Variants in ZBTB20 observed in about 807,000 individuals in gnomAD.
ZBTB20 encodes zinc finger and BTB domain containing 20.
A neutral mutation model predicts 56.9 loss-of-function variants in ZBTB20; 9 were observed. The observed-to-expected ratio is 0.16, with a 90% confidence interval of 0.10 to 0.28. The LOEUF is 0.28. ZBTB20 is among the 10% of genes least tolerant of loss of function. The probability of loss-of-function intolerance (pLI) is 1.00; values close to 1 mark genes in which losing one functional copy is unlikely to be tolerated. For synonymous variants in ZBTB20, 417 were observed against 420.7 expected, an observed-to-expected ratio of 0.99 and a Z score of 0.11; for missense variants, 655 against 1,003.0, an observed-to-expected ratio of 0.65 and a Z score of 4.69.
At chr3:115,071,923 G>A (rs1179957101) in intron 1 of ZBTB20, among the ~76,000 whole-genome samples, 5 of 152,142 alleles carry the variant, frequency 3.3e-5, no homozygotes, top group African/African-American at 1.2e-4. Flanking sequence ...CTTGCAGCTG[G>A]TCATGCATGC....
At chr3:114,743,663 T>C (rs2066795414) in intron 5 of ZBTB20, 1 of 154,264 alleles carries the variant, frequency 6.5e-6, no homozygotes, top group South Asian at 2.0e-4. Flanking sequence ...GTCCCTACCC[T>C]AGACTCTGAA....
At chr3:114,749,898 T>C (rs2067431366) in intron 5 of ZBTB20, among the ~76,000 whole-genome samples, 1 of 152,186 alleles carries the variant, frequency 6.6e-6, no homozygotes, top group African/African-American at 2.4e-5. Context: ...GGTCACTCAA[T>C]ACATGGCAGC....
rs1342684191 is a variant in ZBTB20, at chr3:114,610,602, G to A, written c.-295+82926C>T. The stretch of plus-strand genomic sequence containing the variant: ...CTGGTTAGGAAGGCAGGAGAGGTTG[G>A]CATTTAAGAGGTATTTTCCACATTA... On this transcript the variant is annotated intron_variant, in intron 6 of 11. Transcript: ENST00000675478. Among the ~76,000 whole-genome samples, 4 of 152,164 alleles carry A rather than the reference G, an allele frequency of 2.6e-5. No individual in the cohort carries two copies. In the East Asian group the frequency reaches 7.7e-4, roughly 29 times the overall value.
At chr3:114,629,195 T>C (rs780733363) in intron 6 of ZBTB20, among the ~76,000 whole-genome samples, 1 of 152,206 alleles carries the variant, frequency 6.6e-6, no homozygotes, top group African/African-American at 2.4e-5. Context: ...GCCAGTTCCT[T>C]AACCTTGCCA....
intron 3 of ZBTB20, among the ~76,000 whole-genome samples, chr3:114,926,994 C>T (rs1214966923): frequency 1.3e-5 from 2 of 152,138 alleles, no homozygotes; most frequent in Non-Finnish European, 2.9e-5. Context: ...ATCCTCCCTG[C>T]TTGGCCTCCC....
rs80011826 is a variant in ZBTB20, at chr3:114,850,375, T to C, written c.-416-49201A>G. On this transcript the variant is annotated intron_variant, in intron 4 of 11. Coordinates refer to ENST00000675478, the MANE Select transcript of ZBTB20 (RefSeq NM_001348800.3). Reference sequence around the variant, plus strand: ...AGTAGATGGTGTGTTCATAGCGAGATAGGTGGTGTGTTCATCTCTGTGCTG... The same window carrying C: ...AGTAGATGGTGTGTTCATAGCGAGACAGGTGGTGTGTTCATCTCTGTGCTG... Among the ~76,000 whole-genome samples, 289 of 152,278 alleles carry C rather than the reference T, an allele frequency of 1.9e-3. 4 individuals carry two copies. Among genetic ancestry groups the C allele is most frequent in the Admixed American group, 0.014 (208 of 15,296 alleles).
intron 8 of ZBTB20, among the ~76,000 whole-genome samples, chr3:114,385,199 G>A (rs907082197): frequency 6.6e-6 from 1 of 152,056 alleles, no homozygotes; most frequent in Non-Finnish European, 1.5e-5. Flanking sequence ...GACCAGTGAT[G>A]CCTCCCCCAA....
At chr3:114,426,817 T>A (rs566838241) in intron 7 of ZBTB20, among the ~76,000 whole-genome samples, 3 of 152,264 alleles carry the variant, frequency 2.0e-5, no homozygotes, top group East Asian at 3.9e-4. Context: ...CAGAAAAAAA[T>A]TATATTTTTA....
At chr3:114,624,922 T>G (rs2058565805) in intron 6 of ZBTB20, 1 of 152,628 alleles carries the variant, frequency 6.6e-6, no homozygotes. Flanking sequence ...CAGCTCATGC[T>G]GGACTGTACC....
chr3:114,938,809 C>T (rs2076634851), intron 3 of ZBTB20, among the ~76,000 whole-genome samples: 1 of 145,130 alleles, frequency 6.9e-6, no homozygotes, highest in Non-Finnish European at 1.5e-5. Context: ...TATCCCAGAA[C>T]TTAAAAGTAT....
At chr3:114,512,940 A>G (rs901019692) in intron 6 of ZBTB20, among the ~76,000 whole-genome samples, 1 of 152,150 alleles carries the variant, frequency 6.6e-6, no homozygotes, top group Non-Finnish European at 1.5e-5. Context: ...AGTAATCTCA[A>G]TCTCAGAGAA....
chr3:115,103,308 T>C (rs889296045), intron 1 of ZBTB20, among the ~76,000 whole-genome samples: 17 of 152,152 alleles, frequency 1.1e-4, no homozygotes, highest in African/African-American at 3.4e-4. Context: ...TCAATCCCAA[T>C]CAAAATCCCA....
At chr3:114,441,019 G>A (rs2090886136) in intron 7 of ZBTB20, among the ~76,000 whole-genome samples, 1 of 152,000 alleles carries the variant, frequency 6.6e-6, no homozygotes, top group Non-Finnish European at 1.5e-5. Flanking sequence ...CTGTTTTTTG[G>A]CCAGTGAAAA....
At chr3:114,934,165 A>G (rs2076452902) in intron 3 of ZBTB20, among the ~76,000 whole-genome samples, 1 of 152,084 alleles carries the variant, frequency 6.6e-6, no homozygotes, top group Non-Finnish European at 1.5e-5. Flanking sequence ...GAAACCCTAC[A>G]CCTATGGATC....
chr3:114,742,210 A>G (rs924242567), intron 5 of ZBTB20, among the ~76,000 whole-genome samples: 2 of 152,090 alleles, frequency 1.3e-5, no homozygotes, highest in African/African-American at 4.8e-5. Flanking sequence ...TCTTGGTGGG[A>G]AGGGGGAGGG....
At chr3:115,065,296 T>C (rs779814263) in intron 2 of ZBTB20, among the ~76,000 whole-genome samples, 3 of 152,322 alleles carry the variant, frequency 2.0e-5, no homozygotes, top group Middle Eastern at 3.4e-3. Context: ...AGTATATTAA[T>C]TATACTTTAT....
At chr3:114,452,204 C>T (rs1034018091) in intron 7 of ZBTB20, among the ~76,000 whole-genome samples, 1 of 152,104 alleles carries the variant, frequency 6.6e-6, no homozygotes, top group Non-Finnish European at 1.5e-5. Flanking sequence ...CAAAACAACT[C>T]TTGTCTTCAA....
In ZBTB20 at chr3:115,009,778, C is replaced by G. The variant is rs1313416034; in HGVS notation, c.-506-35362G>C. Among the ~76,000 whole-genome samples, 3 of 151,884 alleles carry G rather than the reference C, an allele frequency of 2.0e-5. No individual in the cohort carries two copies. In the East Asian group the frequency reaches 5.8e-4, roughly 30 times the overall value. ...TTGCTCCCCATTTGATGAGCTCTTT[C>G]ACCATGTGATGCCTTCTACCACGTT... On this transcript the variant is annotated intron_variant, in intron 2 of 11. Transcript: ENST00000675478.
intron 1 of ZBTB20, among the ~76,000 whole-genome samples, chr3:115,122,204 C>G (rs1208993381): frequency 6.6e-6 from 1 of 151,946 alleles, no homozygotes; most frequent in African/African-American, 2.4e-5. Flanking sequence ...AAGGGGAAAA[C>G]TTGGCAAGTA....
Sources: allele counts gnomAD v4.1 joint callset (sites outside exome capture counted in the v4.1 genomes callset), GRCh38; gene constraint gnomAD v4.1.1; transcripts MANE v1.5; gene names NCBI Gene and HGNC (gene_info 2026-07-23, HGNC 2026-07-21).